Variants in ALDH1A2 observed in about 807,000 individuals in gnomAD.
ALDH1A2 encodes retinal dehydrogenase 2.
Under a neutral mutation model 60.3 loss-of-function variants are expected in ALDH1A2, and 27 were observed. The ratio of observed to expected loss-of-function variants is 0.45; its 90% CI spans 0.33 to 0.62. The LOEUF is 0.62. ALDH1A2 is among the 20% of genes least tolerant of loss of function. The probability of loss-of-function intolerance (pLI) is 0.02; values close to 1 mark genes in which losing one functional copy is unlikely to be tolerated. For missense variants in ALDH1A2, 581 were observed against 643.8 expected (o/e 0.90, Z 1.06); for synonymous variants, 289 against 232.4 (o/e 1.24, Z -2.21).
chr15:57,986,056 A>C (rs1394300140), intron 7 of ALDH1A2, among the ~76,000 whole-genome samples: 2 of 152,206 alleles, frequency 1.3e-5, no homozygotes, highest in Admixed American at 6.5e-5. Flanking sequence ...AAGAAAATCA[A>C]ACAATATCAA....
At chr15:57,980,002 C>T (rs961078098) in intron 7 of ALDH1A2, 2 of 328,648 alleles carry the variant, frequency 6.1e-6, no homozygotes, top group South Asian at 3.3e-5. Context: ...CTGGCTGGCA[C>T]AGTTATTTGT....
chr15:58,062,920 G>A (rs537430190), intron 1 of ALDH1A2, among the ~76,000 whole-genome samples: 1 of 152,288 alleles, frequency 6.6e-6, no homozygotes, highest in Non-Finnish European at 1.5e-5. Flanking sequence ...AACATCCTTA[G>A]GGAATGAACT....
intron 1 of ALDH1A2, among the ~76,000 whole-genome samples, chr15:58,061,117 GA>G (rs1457638059): frequency 6.6e-6 from 1 of 152,134 alleles, no homozygotes; most frequent in Non-Finnish European, 1.5e-5. Flanking sequence ...CTCAGCAAAT[GA>G]TAATTCCACA....
chr15:57,967,283 A>C (rs1893929412), intron 7 of ALDH1A2, among the ~76,000 whole-genome samples: 1 of 151,760 alleles, frequency 6.6e-6, no homozygotes, highest in African/African-American at 2.4e-5. Flanking sequence ...TAAAAATACT[A>C]TGTACTTCAG....
intron 1 of ALDH1A2, among the ~76,000 whole-genome samples, chr15:58,022,469 C>T (rs1895955202): frequency 6.6e-6 from 1 of 152,154 alleles, no homozygotes; most frequent in Non-Finnish European, 1.5e-5. Context: ...CCATGCCATA[C>T]AAGCTGCCTA....
intron 1 of ALDH1A2, among the ~76,000 whole-genome samples, chr15:58,063,679 A>T (rs1473273264): frequency 2.0e-5 from 3 of 152,132 alleles, no homozygotes; most frequent in Admixed American, 6.5e-5. Flanking sequence ...TTGTGGAAAG[A>T]GCTCGCCTTT....
At chr15:57,985,002 T>TACCATGTCATAGACAC (rs1298130432) in intron 7 of ALDH1A2, among the ~76,000 whole-genome samples, 1 of 152,226 alleles carries the variant, frequency 6.6e-6, no homozygotes, top group Non-Finnish European at 1.5e-5. Context: ...CATTTTTATA[T>TACCATGTCATAGACAC]ATTTCTGGAT....
rs758990905 is a variant in ALDH1A2 at position 58,065,606 on chromosome 15, G to A, written c.45C>T (p.Asp15=). The change falls in exon 1 of 13, where the codon GAC becomes GAT. Residue 15 remains aspartate, a synonymous_variant. Transcript: ENST00000249750. ...GCAGCGACGCCATGAGGGCGGCGGGGTCGGCCTTCACCTCGCCGGGCATCT... is the reference window on the plus strand; with the variant it reads ...GCAGCGACGCCATGAGGGCGGCGGGATCGGCCTTCACCTCGCCGGGCATCT... The part of the protein sequence containing the change: ...KIEMPGEVKA[D]PAALMASLHL... 8.1e-6 allele frequency: 13 copies of A among 1,611,184 alleles called. No individual in the cohort carries two copies. Among genetic ancestry groups the A allele is most frequent in the Admixed American group, 5.0e-5 (3 of 59,758 alleles).
chr15:58,051,931 A>G (rs1018851141), intron 1 of ALDH1A2, among the ~76,000 whole-genome samples: 2 of 152,136 alleles, frequency 1.3e-5, no homozygotes, highest in Non-Finnish European at 2.9e-5. Context: ...AGCTGCTCAA[A>G]TGGTCTGGAG....
chr15:57,979,370 G>C (rs751324747), intron 7 of ALDH1A2, among the ~76,000 whole-genome samples: 1 of 152,224 alleles, frequency 6.6e-6, no homozygotes, highest in African/African-American at 2.4e-5. Context: ...ACAAAAGTGG[G>C]AAGAGGCAAG....
chr15:58,051,799 C>T (rs1896783939), intron 1 of ALDH1A2, among the ~76,000 whole-genome samples: 1 of 152,154 alleles, frequency 6.6e-6, no homozygotes, highest in South Asian at 2.1e-4. Context: ...AGCAGTGGCA[C>T]TGACCTGCAA....
chr15:58,027,227 T>G (rs1268113095), intron 1 of ALDH1A2, among the ~76,000 whole-genome samples: 1 of 152,208 alleles, frequency 6.6e-6, no homozygotes, highest in Admixed American at 6.5e-5. Flanking sequence ...TTTGCTCTTC[T>G]GCAGTCTCTG....
At chr15:58,030,089 A>G (rs575761451) in intron 1 of ALDH1A2, among the ~76,000 whole-genome samples, 3 of 152,208 alleles carry the variant, frequency 2.0e-5, no homozygotes, top group Non-Finnish European at 4.4e-5. Flanking sequence ...ACAACAAAAA[A>G]AGACAATTTT....
intron 3 of ALDH1A2, among the ~76,000 whole-genome samples, chr15:58,013,183 C>T (rs749759809): frequency 5.9e-5 from 9 of 152,128 alleles, no homozygotes; most frequent in Non-Finnish European, 1.2e-4. Flanking sequence ...CCGTACCATC[C>T]CCTCTGGTTC....
intron 1 of ALDH1A2, among the ~76,000 whole-genome samples, chr15:58,038,924 A>T (rs1448540415): frequency 6.6e-6 from 1 of 151,838 alleles, no homozygotes; most frequent in African/African-American, 2.4e-5. Flanking sequence ...AAACGTTTCA[A>T]GTTTTGAAAC....
intron 1 of ALDH1A2, among the ~76,000 whole-genome samples, chr15:58,026,131 G>A (rs1240309837): frequency 6.6e-6 from 1 of 151,998 alleles, no homozygotes; most frequent in African/African-American, 2.4e-5. Flanking sequence ...AACAAAATAA[G>A]AAAACTACAA....
intron 1 of ALDH1A2, among the ~76,000 whole-genome samples, chr15:58,036,399 T>C (rs900259129): frequency 6.6e-6 from 1 of 151,650 alleles, no homozygotes; most frequent in Non-Finnish European, 1.5e-5. Flanking sequence ...GCAGCAACTA[T>C]TAACCTTTTA....
chr15:57,967,442 G>A (rs1893934857), intron 7 of ALDH1A2, among the ~76,000 whole-genome samples: 1 of 152,130 alleles, frequency 6.6e-6, no homozygotes, highest in Non-Finnish European at 1.5e-5. Flanking sequence ...AGAAATGGGG[G>A]TGATGTAAAG....
chr15:58,025,243 A>G (rs1896047255), intron 1 of ALDH1A2, among the ~76,000 whole-genome samples: 1 of 152,190 alleles, frequency 6.6e-6, no homozygotes, highest in Non-Finnish European at 1.5e-5. Context: ...AACAAAACAA[A>G]AAGCTGGTTC....
Sources: allele counts gnomAD v4.1 joint callset (sites outside exome capture counted in the v4.1 genomes callset), GRCh38; gene constraint gnomAD v4.1.1; transcripts MANE v1.5; gene names NCBI Gene and HGNC (gene_info 2026-07-23, HGNC 2026-07-21).